The following TTC6 variants were observed in gnomAD, a reference collection of about 807,000 sequenced individuals.
TTC6 encodes tetratricopeptide repeat protein 6.
In TTC6, 172 loss-of-function variants were observed where a neutral mutation model predicts 210.4. The observed-to-expected ratio is 0.82, with a 90% CI of 0.72 to 0.93. The LOEUF (loss-of-function observed/expected upper bound fraction) is 0.93, where lower values mean the gene tolerates loss of function less well. TTC6 is among the 40% of genes least tolerant of loss of function. The pLI, the probability that TTC6 is intolerant of heterozygous loss-of-function variation, is 0.00. For synonymous variants in TTC6, 804 were observed against 819.6 expected (o/e 0.98, Z 0.32); for missense variants, 2,414 against 2,318.1 (o/e 1.04, Z -0.85).
intron 2 of TTC6, chr14:37,611,145 C>T (rs1001521987): frequency 2.0e-5 from 3 of 152,266 alleles, no homozygotes; most frequent in African/African-American, 7.2e-5. Flanking sequence ...AGGTGGGCGC[C>T]ACGGTGCTGG....
At chr14:37,807,174 T>A in intron 22 of TTC6, 146 bp from the exon 25 acceptor site, 1 of 652,784 alleles carries the variant, frequency 1.5e-6, no homozygotes, top group Non-Finnish European at 2.3e-6. Flanking sequence ...TGAAATTTTT[T>A]TCTAATAAAA....
chr14:37,769,965 C>G (rs2096012641), intron 14 of TTC6, among the ~76,000 whole-genome samples: 1 of 152,010 alleles, frequency 6.6e-6, no homozygotes, highest in Admixed American at 6.6e-5. Flanking sequence ...CCTCTACACA[C>G]TGCTTTGAAT....
chr14:37,816,519 T>C (rs529318231), intron 25 of TTC6, among the ~76,000 whole-genome samples: 1 of 152,182 alleles, frequency 6.6e-6, no homozygotes, highest in South Asian at 2.1e-4. Context: ...AGTGTAATAT[T>C]CCCCACTGCT....
intron 27 of TTC6, among the ~76,000 whole-genome samples, chr14:37,825,932 C>T (rs1377031008): frequency 6.6e-6 from 1 of 151,780 alleles, no homozygotes; most frequent in Non-Finnish European, 1.5e-5. Context: ...TTTATGTTGT[C>T]CGGGATTGGT....
chr14:37,617,726 T>A (rs912409601), upstream of TTC6, among the ~76,000 whole-genome samples: 2 of 152,234 alleles, frequency 1.3e-5, no homozygotes, highest in African/African-American at 4.8e-5. Context: ...AATATTTTTG[T>A]TTTCCTTGCA....
At chr14:37,654,446 G>A (rs1195960057) in intron 1 of TTC6, among the ~76,000 whole-genome samples, 1 of 152,002 alleles carries the variant, frequency 6.6e-6, no homozygotes, top group Non-Finnish European at 1.5e-5. Flanking sequence ...CCTACTTTTG[G>A]AATATGGCAT....
intron 1 of TTC6, among the ~76,000 whole-genome samples, chr14:37,671,583 A>G (rs375873192): frequency 4.9e-4 from 75 of 152,314 alleles, no homozygotes; most frequent in Middle Eastern, 3.4e-3. Flanking sequence ...GAAAACATGT[A>G]AGAAAATTAA....
chr14:37,805,838 T>C (rs1254497232), intron 21 of TTC6, among the ~76,000 whole-genome samples: 2 of 152,092 alleles, frequency 1.3e-5, no homozygotes, highest in East Asian at 1.9e-4. Context: ...GTAGCTGGGA[T>C]TACAGGCTCA....
At chr14:37,624,459 G>A (rs2095656712) in intron 1 of TTC6, among the ~76,000 whole-genome samples, 2 of 152,126 alleles carry the variant, frequency 1.3e-5, no homozygotes. Flanking sequence ...TGGTCCAGAG[G>A]TCCCGTACAG....
In TTC6 at chr14:37,806,497, CA is replaced by C; in HGVS notation, c.4305del (p.Lys1435AsnfsTer7). 6.5e-7 allele frequency: 1 copy of C among 1,531,136 alleles called. No homozygotes were observed. Among genetic ancestry groups the C allele is most frequent in the Non-Finnish European group, 8.7e-7 (1 of 1,143,838 alleles). The allele number at this position is 1,531,136 out of a possible 1,614,324, so 94.8% of individuals were successfully genotyped here. On this transcript the variant is annotated frameshift_variant, in exon 22 of 31. Transcript: ENST00000553443. LOFTEE classifies it high-confidence loss of function. ...TTTAATCGTGCAATTACCCTCAATC[CA>C]AAACATTACCAGGTATTTAAACAGA...
intron 1 of TTC6, among the ~76,000 whole-genome samples, chr14:37,657,863 G>A (rs1278420569): frequency 6.6e-6 from 1 of 152,014 alleles, no homozygotes; most frequent in Non-Finnish European, 1.5e-5. Context: ...GATTTTTTTT[G>A]TATGTACCAA....
At chr14:37,624,931 A>G (rs923395885) in intron 1 of TTC6, among the ~76,000 whole-genome samples, 22 of 151,968 alleles carry the variant, frequency 1.4e-4, no homozygotes, top group African/African-American at 5.3e-4. Flanking sequence ...CCACTTGTGT[A>G]TTCTTTTTAT....
exon 14 of TTC6, chr14:37,753,121 G>A (rs2095957326): frequency 6.5e-7 from 1 of 1,534,700 alleles, no homozygotes; most frequent in African/African-American, 1.4e-5. Flanking sequence ...GATCCCAAAA[G>A]AACAGATGCA....
exon 23 of TTC6, chr14:37,807,384 G>A (rs2096120553): frequency 6.5e-7 from 1 of 1,530,688 alleles, no homozygotes; most frequent in Non-Finnish European, 8.7e-7. Flanking sequence ...ATCTTGAATT[G>A]TAACAAGGCT....
chr14:37,703,703 G>T (rs988332394), intron 5 of TTC6, among the ~76,000 whole-genome samples: 1 of 152,018 alleles, frequency 6.6e-6, no homozygotes. Flanking sequence ...AATTGGAAGG[G>T]TATATACTTA....
intron 1 of TTC6, among the ~76,000 whole-genome samples, chr14:37,604,198 CGGAGTCTCAGT>C (rs1326489521): frequency 6.6e-6 from 1 of 152,136 alleles, no homozygotes; most frequent in Non-Finnish European, 1.5e-5. Flanking sequence ...TGCCGGGGGG[CGGAGTCTCAGT>C]GTCCACCAGG....
At chr14:37,597,964 A>G (rs2095607681) in intron 1 of TTC6, among the ~76,000 whole-genome samples, 1 of 152,198 alleles carries the variant, frequency 6.6e-6, no homozygotes, top group African/African-American at 2.4e-5. Context: ...TAGTGTACCC[A>G]GATGCCAGCC....
intron 1 of TTC6, among the ~76,000 whole-genome samples, chr14:37,669,616 C>T (rs889401861): frequency 1.3e-5 from 2 of 152,146 alleles, no homozygotes; most frequent in South Asian, 2.1e-4. Flanking sequence ...TTCATCTAGG[C>T]TGTGACTACC....
chr14:37,772,810 C>G (rs1200500430), intron 14 of TTC6, among the ~76,000 whole-genome samples: 1 of 152,154 alleles, frequency 6.6e-6, no homozygotes, highest in Non-Finnish European at 1.5e-5. Flanking sequence ...TGTTCCTATT[C>G]GGCCATCTTG....
Sources: allele counts gnomAD v4.1 joint callset (sites outside exome capture counted in the v4.1 genomes callset), GRCh38; gene constraint gnomAD v4.1.1; transcripts MANE v1.5; gene names NCBI Gene and HGNC (gene_info 2026-07-23, HGNC 2026-07-21).